PTPRT: variants seen among roughly 807,000 people sequenced by gnomAD.
PTPRT encodes the protein protein tyrosine phosphatase receptor type T.
PTPRT carries 56 observed loss-of-function variants against 176.8 expected under a neutral mutation model. That is an observed-to-expected ratio of 0.32 (90% CI 0.26 to 0.40). The LOEUF (loss-of-function observed/expected upper bound fraction) is 0.40, where lower values mean the gene tolerates loss of function less well. Ranked by LOEUF, PTPRT falls within the 10% of genes least tolerant of loss-of-function variation. The probability of loss-of-function intolerance (pLI) is 1.00; values close to 1 mark genes in which losing one functional copy is unlikely to be tolerated. For missense variants in PTPRT, 1,540 were observed against 1,908.2 expected (o/e 0.81, Z 3.60); for synonymous variants, 783 against 739.0 (o/e 1.06, Z -0.96).
chr20:42,095,358 C>T (rs1985092412), intron 27 of PTPRT, among the ~76,000 whole-genome samples: 1 of 152,220 alleles, frequency 6.6e-6, no homozygotes, highest in African/African-American at 2.4e-5. Flanking sequence ...TCTGACCTCA[C>T]CTTCTGCTGC....
intron 24 of PTPRT, 42 bp downstream of exon 24, chr20:42,106,744 A>T (rs1986479974): frequency 6.3e-7 from 1 of 1,588,196 alleles, no homozygotes; most frequent in African/African-American, 1.3e-5. Context: ...CTCCTTGGTC[A>T]GGGCTACAGG....
chr20:42,383,948 G>A (rs1342045968), intron 9 of PTPRT, among the ~76,000 whole-genome samples: 3 of 152,192 alleles, frequency 2.0e-5, no homozygotes, highest in Non-Finnish European at 4.4e-5. Context: ...CTGATTTTAC[G>A]ACGGATTATA....
chr20:42,128,885 A>G lies in PTPRT; in HGVS notation c.2771-55T>C, dbSNP rs1026667000. On this transcript the variant is annotated intron_variant, in intron 18 of 30. Coordinates refer to ENST00000373187, the MANE Select transcript of PTPRT (RefSeq NM_007050.6). ...GTTGATAAGAGGCCTTACGCAGCTA[A>G]TGTCCTCCTTTAGAACTACTGTTTA... 8 of 1,450,924 alleles carry G rather than the reference A, an allele frequency of 5.5e-6. No individual in the cohort carries two copies. In the Admixed American group the frequency reaches 1.5e-4, roughly 28 times the overall value. 89.9% of individuals were successfully genotyped at this position (1,450,924 alleles called of 1,614,324 possible). A position where few individuals can be genotyped will look rare whatever the true frequency, so the allele number is the denominator to read the frequency against.
chr20:42,645,846 G>C (rs1055981371), intron 7 of PTPRT, among the ~76,000 whole-genome samples: 1 of 151,104 alleles, frequency 6.6e-6, no homozygotes, highest in Non-Finnish European at 1.5e-5. Context: ...AAATATCTTG[G>C]TCATTGGTTA....
chr20:42,550,810 G>A (rs1367923896), intron 7 of PTPRT, among the ~76,000 whole-genome samples: 2 of 152,146 alleles, frequency 1.3e-5, no homozygotes, highest in South Asian at 2.1e-4. Flanking sequence ...TAAGCATGAT[G>A]CACTATGTAT....
At chr20:43,085,834 C>T (rs2011588728) in intron 1 of PTPRT, among the ~76,000 whole-genome samples, 1 of 152,192 alleles carries the variant, frequency 6.6e-6, no homozygotes, top group Non-Finnish European at 1.5e-5. Context: ...AGGCATCTTG[C>T]TGTGTCCCCT....
intron 1 of PTPRT, among the ~76,000 whole-genome samples, chr20:42,966,689 G>C (rs1384442898): frequency 6.6e-6 from 1 of 152,202 alleles, no homozygotes; most frequent in East Asian, 1.9e-4. Context: ...CCCCGCAACA[G>C]AGTTCTGCCA....
intron 9 of PTPRT, among the ~76,000 whole-genome samples, chr20:42,425,659 G>A (rs2059156722): frequency 6.6e-6 from 1 of 152,156 alleles, no homozygotes; most frequent in South Asian, 2.1e-4. Flanking sequence ...GTGAGGAGAT[G>A]GATATGTTAA....
At chr20:43,011,139 A>C (rs1985099660) in intron 1 of PTPRT, among the ~76,000 whole-genome samples, 2 of 152,138 alleles carry the variant, frequency 1.3e-5, no homozygotes, top group South Asian at 4.1e-4. Context: ...TTCTTCACTC[A>C]TTCATTCATT....
intron 7 of PTPRT, among the ~76,000 whole-genome samples, chr20:42,494,655 C>T (rs1169089367): frequency 6.6e-6 from 1 of 151,978 alleles, no homozygotes. Context: ...TGATTGTTTA[C>T]TTGTATTATT....
intron 14 of PTPRT, among the ~76,000 whole-genome samples, chr20:42,247,846 T>C (rs1329273041): frequency 6.6e-6 from 1 of 152,174 alleles, no homozygotes; most frequent in Non-Finnish European, 1.5e-5. Context: ...TAAGACTCTC[T>C]GTTTAGAGGA....
At chr20:42,281,444 A>G (rs1008807242) in intron 13 of PTPRT, among the ~76,000 whole-genome samples, 2 of 152,084 alleles carry the variant, frequency 1.3e-5, no homozygotes, top group African/African-American at 4.8e-5. Context: ...CTTCAAAGTT[A>G]TAAAAGTCAT....
intron 3 of PTPRT, among the ~76,000 whole-genome samples, chr20:42,789,862 C>T (rs540485725): frequency 6.6e-6 from 1 of 152,288 alleles, no homozygotes; most frequent in African/African-American, 2.4e-5. Flanking sequence ...GTAAACCCAA[C>T]AAGCAATCTC....
chr20:42,563,198 A>C (rs1442396377), intron 7 of PTPRT, among the ~76,000 whole-genome samples: 1 of 152,224 alleles, frequency 6.6e-6, no homozygotes, highest in East Asian at 1.9e-4. Flanking sequence ...CTCTTGCAAA[A>C]TAATAAGAGA....
At chr20:43,156,925 G>A (rs6103169) in intron 1 of PTPRT, among the ~76,000 whole-genome samples, 3 of 152,222 alleles carry the variant, frequency 2.0e-5, no homozygotes, top group Non-Finnish European at 4.4e-5. Context: ...TCAGGGTTCA[G>A]GCAGAGATGG....
chr20:42,519,616 C>A (rs2072133128), intron 7 of PTPRT, among the ~76,000 whole-genome samples: 1 of 151,880 alleles, frequency 6.6e-6, no homozygotes, highest in African/African-American at 2.4e-5. Context: ...TCTGTCTTTC[C>A]AGATAGACAG....
intron 2 of PTPRT, among the ~76,000 whole-genome samples, chr20:42,851,086 T>G: frequency 6.6e-6 from 1 of 152,308 alleles, no homozygotes; most frequent in East Asian, 1.9e-4. Context: ...CATTCTCCAC[T>G]GTTTCAAACA....
Position 42,099,559 on chromosome 20 carries a change from G to GT in PTPRT, c.3715-1008_3715-1007insA, listed in dbSNP as rs1985706642. Reference sequence around the variant, plus strand: ...AAATGGCCTGGGCGGGGGGGGGGGGGGTGGGGTGGTCTGGCAGCTTCATCC... The same window carrying GT: ...AAATGGCCTGGGCGGGGGGGGGGGGGTGTGGGGTGGTCTGGCAGCTTCATCC... On this transcript the variant is annotated intron_variant, in intron 26 of 30. Coordinates refer to ENST00000373187, the MANE Select transcript of PTPRT (RefSeq NM_007050.6). Among the ~76,000 whole-genome samples, 3 of 37,028 alleles carry GT rather than the reference G, an allele frequency of 8.1e-5. No individual in the cohort carries two copies. The East Asian group carries it at 2.3e-3, about 28-fold the overall frequency. 24.3% of individuals were successfully genotyped at this position (37,028 alleles called of 152,430 possible).
intron 8 of PTPRT, among the ~76,000 whole-genome samples, chr20:42,471,864 C>A (rs2071203886): frequency 6.6e-6 from 1 of 152,106 alleles, no homozygotes; most frequent in Non-Finnish European, 1.5e-5. Context: ...ACCATGTTGC[C>A]CAGGCTGGTC....
Sources: allele counts gnomAD v4.1 joint callset (sites outside exome capture counted in the v4.1 genomes callset), GRCh38; gene constraint gnomAD v4.1.1; transcripts MANE v1.5; gene names NCBI Gene and HGNC (gene_info 2026-07-23, HGNC 2026-07-21).